The following KLHL15 variants were observed in gnomAD, a reference collection of about 807,000 sequenced individuals.
The protein encoded by KLHL15 is kelch-like protein 15.
In KLHL15, 1 loss-of-function variant was observed where a neutral mutation model predicts 29.3. That is an observed-to-expected ratio of 0.03 (90% CI 0.01 to 0.16). KLHL15 has a LOEUF of 0.16. KLHL15 is among the 10% of genes least tolerant of loss of function. KLHL15 has a pLI of 1.00. For synonymous variants in KLHL15, 212 were observed against 184.5 expected, an observed-to-expected ratio of 1.15 and a Z score of -1.21; for missense variants, 215 against 478.5, an observed-to-expected ratio of 0.45 and a Z score of 5.14.
At chrX:24,007,815 A>G (rs1271026990) in intron 2 of KLHL15, among the ~76,000 whole-genome samples, 1 of 110,804 alleles carries the variant, frequency 9.0e-6, no homozygotes, top group Non-Finnish European at 1.9e-5. Context: ...GAAACTATTC[A>G]AAAGTCCAAT....
chrX:23,988,605 A>C lies in KLHL15; in HGVS notation c.1131T>G (p.Ile377Met). The C allele has an allele frequency of 8.3e-7, 1 of 1,211,219 alleles. No individual in the cohort carries two copies. The highest frequency in any genetic ancestry group is 1.1e-6 in the Non-Finnish European group (1 of 895,302). ...VPRSEFAVGVIGKFIYAVAGR... is the reference protein window; with the variant it reads ...VPRSEFAVGVMGKFIYAVAGR... ...CTGCTACGGCGTAAATAAACTTCCC[A>C]ATAACACCTACAGCAAATTCAGAGC... The change falls in exon 4 of 4, where the codon ATT (isoleucine) becomes ATG (methionine). Residue 377 changes from isoleucine to methionine, a missense_variant. Transcript: ENST00000328046.
chrX:24,005,756 A>G (rs918139147), intron 3 of KLHL15, among the ~76,000 whole-genome samples: 1 of 112,296 alleles, frequency 8.9e-6, no homozygotes, highest in Non-Finnish European at 1.9e-5. Flanking sequence ...CTGTTTTACT[A>G]CCTACGTGGT....
Position 24,001,728 on chromosome X carries a change from C to CG in KLHL15, c.705+4260dup, listed in dbSNP as rs756188886. Among the ~76,000 whole-genome samples, 3 of 89,586 alleles carry CG rather than the reference C, an allele frequency of 3.3e-5. No individual in the cohort carries two copies. The Admixed American group carries it at 4.3e-4, about 13-fold the overall frequency. 77.8% of individuals were successfully genotyped at this position (89,586 alleles called of 115,157 possible). On this transcript the variant is annotated intron_variant, in intron 3 of 3. Transcript: ENST00000328046. ...CTGAGGCAGGAGAATCGCTTGAACC[C>CG]GGGGGGCGGAGGTTGCAGTGAGCCA...
intron 3 of KLHL15, among the ~76,000 whole-genome samples, chrX:24,000,747 G>A (rs1602003993): frequency 8.9e-6 from 1 of 112,144 alleles, no homozygotes; most frequent in Non-Finnish European, 1.9e-5. Flanking sequence ...TGCTGGATTA[G>A]TTAAAACATG....
chrX:23,992,934 A>AT (rs1650162818), intron 3 of KLHL15, among the ~76,000 whole-genome samples: 1 of 112,039 alleles, frequency 8.9e-6, no homozygotes, highest in Non-Finnish European at 1.9e-5. Flanking sequence ...GAGATGTGGA[A>AT]TAAATGGCAT....
rs1928976036 is a variant in KLHL15, at chrX:23,985,884, G to GA, written c.*2036dup. On this transcript the variant is annotated 3_prime_UTR_variant, in exon 4 of 4. Transcript: ENST00000328046. The stretch of plus-strand genomic sequence containing the variant: ...CATACAAAGCCACTAAACTAATGTA[G>GA]AAAAAAATTAAATGGCTAACTTATT... 1.8e-5 allele frequency: 2 copies of GA among 110,619 alleles called. No homozygotes were observed. Among genetic ancestry groups the GA allele is most frequent in the Admixed American group, 9.7e-5 (1 of 10,308 alleles). The allele number at this position is 110,619 out of a possible 1,213,427, so 9.1% of individuals were successfully genotyped here.
At position 24,007,879 on chromosome X, in the gene KLHL15, A is replaced by C. The variant is rs762086988; in HGVS notation, c.-7-1179T>G. Among the ~76,000 whole-genome samples, 52 of 110,351 alleles carry C rather than the reference A, an allele frequency of 4.7e-4. No individual in the cohort carries two copies. The South Asian group carries it at 7.1e-3, about 15-fold the overall frequency. On this transcript the variant is annotated intron_variant, in intron 2 of 3. Coordinates refer to ENST00000328046, the MANE Select transcript of KLHL15 (RefSeq NM_030624.3). ...TACAATAAATTATCAATTTAAAATG[A>C]TGTCAACAGTTTATTTTTACAAAGA...
Position 23,988,587 on chromosome X carries a change from G to A in KLHL15, c.1149C>T (p.Ala383=), listed in dbSNP as rs368452574. Residue 383 remains alanine (A), a synonymous_variant, in exon 4 of 4, where the codon GCC becomes GCT. Transcript: ENST00000328046. ...TCTCATCTCTGGTTCTGCCTGCTAC[G>A]GCGTAAATAAACTTCCCAATAACAC... ...AVGVIGKFIY[A]VAGRTRDETF... 360 of 1,209,377 alleles carry A rather than the reference G, an allele frequency of 3.0e-4. No individual in the cohort carries two copies. The highest frequency in any genetic ancestry group is 3.8e-4 in the Non-Finnish European group (337 of 894,925).
rs1450213628 is a variant in KLHL15 at position 24,006,288 on chromosome X, T to C, written c.406A>G (p.Ile136Val). 3 of 1,211,828 alleles carry C rather than the reference T, an allele frequency of 2.5e-6. No individual in the cohort carries two copies. The East Asian group carries it at 8.9e-5, about 36-fold the overall frequency. Residue 136 changes from isoleucine to valine, a missense_variant, in exon 3 of 4, where the codon ATT becomes GTT. Coordinates refer to ENST00000328046, the MANE Select transcript of KLHL15 (RefSeq NM_030624.3). ...AKICLENCAE[I>V]MRLLDDFGVN... is the part of the protein sequence containing the mutation. The stretch of plus-strand genomic sequence containing the variant: ...CCGAAATCATCTAAGAGTCTCATAA[T>C]TTCTGCACAATTTTCTAGGCAGATC...
intron 3 of KLHL15, among the ~76,000 whole-genome samples, 163 bp from the exon 4 acceptor site, chrX:23,989,193 CTTT>C (rs780131307): frequency 2.0e-5 from 2 of 101,470 alleles, no homozygotes; most frequent in Non-Finnish European, 2.0e-5. Flanking sequence ...TTTAAAAAAT[CTTT>C]TTTTTTTTTT....
intron 3 of KLHL15, among the ~76,000 whole-genome samples, chrX:23,995,745 C>T (rs1489065446): frequency 1.9e-5 from 2 of 105,529 alleles, no homozygotes; most frequent in African/African-American, 7.0e-5. Flanking sequence ...ATTTAAGATA[C>T]ACTTTTTGAA....
intron 3 of KLHL15, among the ~76,000 whole-genome samples, chrX:23,991,692 T>A (rs1929091290): frequency 9.1e-6 from 1 of 109,828 alleles, no homozygotes; most frequent in African/African-American, 3.3e-5. Context: ...ATACAAAAAT[T>A]AGCCAGGCGT....
rs779484710 is a variant in KLHL15, at chrX:23,986,804, T to A, written c.*1117A>T. 8.9e-6 allele frequency: 1 copy of A among 111,801 alleles called. No individual in the cohort carries two copies. Among genetic ancestry groups the A allele is most frequent in the Non-Finnish European group, 1.9e-5 (1 of 53,153 alleles). 9.2% of individuals were successfully genotyped at this position (111,801 alleles called of 1,213,427 possible). ...CTAAGAGTTTCTACCTTCCATTCAA[T>A]AACAAATGCAGCAGCCTTACTGAAT... On this transcript the variant is annotated 3_prime_UTR_variant, in exon 4 of 4. Coordinates refer to ENST00000328046, the MANE Select transcript of KLHL15 (RefSeq NM_030624.3).
rs767881024 is a variant in KLHL15, at chrX:24,024,273, T to C, written c.-8+584A>G. 8.9e-5 allele frequency among the ~76,000 whole-genome samples: 10 copies of C among 112,329 alleles called. No homozygotes were observed. The East Asian group carries it at 1.4e-3, about 15-fold the overall frequency. The stretch of plus-strand genomic sequence containing the variant: ...CGTACTTATTTGCTTATATTTATAA[T>C]ATAGAAATAAAGAGGCAGCAACAGT... On this transcript the variant is annotated intron_variant, in intron 2 of 3. Coordinates refer to ENST00000328046, the MANE Select transcript of KLHL15 (RefSeq NM_030624.3).
chrX:24,017,904 A>C (rs889595737), intron 2 of KLHL15, among the ~76,000 whole-genome samples: 15 of 110,708 alleles, frequency 1.4e-4, no homozygotes, highest in African/African-American at 3.9e-4. Context: ...CCAGTTCAAG[A>C]CCAGCCTGGG....
chrX:24,007,546 G>C (rs191539882), intron 2 of KLHL15, among the ~76,000 whole-genome samples: 1,858 of 90,135 alleles, frequency 0.021, 64 homozygotes, highest in African/African-American at 0.069. Context: ...TCAAACAATG[G>C]TAAATTGTTA....
intron 2 of KLHL15, among the ~76,000 whole-genome samples, chrX:24,018,644 A>G (rs1212171501): frequency 9.0e-6 from 1 of 111,550 alleles, no homozygotes; most frequent in Non-Finnish European, 1.9e-5. Flanking sequence ...GTTGTCCTAA[A>G]AGATCCCAGT....
chrX:24,003,518 A>G (rs1334976725), intron 3 of KLHL15, among the ~76,000 whole-genome samples: 1 of 104,620 alleles, frequency 9.6e-6, no homozygotes, highest in Non-Finnish European at 2.0e-5. Flanking sequence ...GTGCCACCGC[A>G]CTCCAGCCTG....
intron 3 of KLHL15, among the ~76,000 whole-genome samples, chrX:24,000,550 G>A (rs1929293222): frequency 8.9e-6 from 1 of 112,109 alleles, no homozygotes; most frequent in South Asian, 3.6e-4. Context: ...CTAAAACTGA[G>A]GGCTTATATT....
Sources: allele counts gnomAD v4.1 joint callset (sites outside exome capture counted in the v4.1 genomes callset), GRCh38; gene constraint gnomAD v4.1.1; transcripts MANE v1.5; gene names NCBI Gene and HGNC (gene_info 2026-07-23, HGNC 2026-07-21).